WT1: variants seen among roughly 807,000 people sequenced by gnomAD.
WT1 encodes the protein Wilms tumor protein.
WT1 carries 8 observed loss-of-function variants against 60.8 expected under a neutral mutation model. The observed-to-expected ratio is 0.13, with a 90% CI of 0.08 to 0.24. The LOEUF is 0.24. Ranked by LOEUF, WT1 falls within the 10% of genes least tolerant of loss-of-function variation. The pLI is 1.00. For missense variants in WT1, 568 were observed against 711.8 expected (o/e 0.80, Z 2.30); for synonymous variants, 312 against 297.1 (o/e 1.05, Z -0.52).
At chr11:32,403,555 C>A (rs550520581) in intron 5 of WT1, among the ~76,000 whole-genome samples, 13 of 151,002 alleles carry the variant, frequency 8.6e-5, no homozygotes, top group African/African-American at 3.2e-4. Flanking sequence ...TCCTGGAGAA[C>A]CACTGAATGA....
chr11:32,412,104 C>T (rs1274727137), intron 5 of WT1, among the ~76,000 whole-genome samples: 1 of 152,092 alleles, frequency 6.6e-6, no homozygotes, highest in Non-Finnish European at 1.5e-5. Flanking sequence ...GTTCACGAGC[C>T]CGCGAGGGAA....
At chr11:32,425,384 A>G (rs533808201) in intron 3 of WT1, among the ~76,000 whole-genome samples, 22 of 152,312 alleles carry the variant, frequency 1.4e-4, no homozygotes, top group Admixed American at 8.5e-4. Context: ...CTAAAATCCA[A>G]AAGTTAGGGT....
chr11:32,422,596 A>G (rs114067171), intron 3 of WT1, among the ~76,000 whole-genome samples: 186 of 152,332 alleles, frequency 1.2e-3, no homozygotes, highest in African/African-American at 4.3e-3. Context: ...CCCAAGTGGT[A>G]GATCGGCACT....
chr11:32,433,384 G>T (rs942272312), intron 1 of WT1, among the ~76,000 whole-genome samples: 1 of 152,234 alleles, frequency 6.6e-6, no homozygotes, highest in Non-Finnish European at 1.5e-5. Context: ...GGGTGCTCCT[G>T]GTTAGGCTAA....
chr11:32,393,495 G>A (rs1009219763), intron 7 of WT1, among the ~76,000 whole-genome samples: 2 of 152,244 alleles, frequency 1.3e-5, no homozygotes, highest in Non-Finnish European at 2.9e-5. Flanking sequence ...ACCTTCTTAG[G>A]AGAATCCTGA....
chr11:32,424,187 C>T (rs533267178), intron 3 of WT1, among the ~76,000 whole-genome samples: 3 of 139,384 alleles, frequency 2.2e-5, no homozygotes, highest in African/African-American at 8.2e-5. Context: ...AAAAGTGATA[C>T]ATTGCCTATA....
intron 5 of WT1, among the ~76,000 whole-genome samples, chr11:32,405,965 C>T (rs1265643066): frequency 6.6e-6 from 1 of 152,152 alleles, no homozygotes; most frequent in Admixed American, 6.5e-5. Context: ...GAGACTTGAA[C>T]GACTCCCAGC....
rs2132889527 is a variant in WT1 at position 32,387,827 on chromosome 11, AT to A, written c.*1230del. 8.6e-6 allele frequency: 2 copies of A among 233,278 alleles called. No homozygotes were observed. Among genetic ancestry groups the A allele is most frequent in the East Asian group, 1.2e-4 (2 of 16,576 alleles). The allele number at this position is 233,278 out of a possible 1,614,324, so 14.5% of individuals were successfully genotyped here. A position where few individuals can be genotyped will look rare whatever the true frequency, so the allele number is the denominator to read the frequency against. On this transcript the variant is annotated 3_prime_UTR_variant, in exon 10 of 10. Coordinates refer to ENST00000452863, the MANE Select transcript of WT1 (RefSeq NM_024426.6). ...AGCAAAGTGAAAAATGCAGGTTACA[AT>A]TTTAAGTGTTATCATCAATATCTTG...
intron 5 of WT1, among the ~76,000 whole-genome samples, chr11:32,411,865 A>G (rs535134762): frequency 1.2e-3 from 188 of 152,186 alleles, no homozygotes; most frequent in Non-Finnish European, 4.0e-4. Flanking sequence ...GCCAAGTCCA[A>G]TGCAAGGCAA....
chr11:32,434,942 G>A lies in WT1; in HGVS notation c.419C>T (p.Pro140Leu), dbSNP rs1164390603. The A allele has an allele frequency of 8.2e-6, 13 of 1,582,396 alleles. No homozygotes were observed. The highest frequency in any genetic ancestry group is 2.6e-6 in the Non-Finnish European group (3 of 1,167,608). ...CTCCTGTTTGATGAAGGAGTGAGGCGGCGGCGGCGGGGGTGGCGGCGGAGC... is the reference window on the plus strand; with the variant it reads ...CTCCTGTTTGATGAAGGAGTGAGGCAGCGGCGGCGGGGGTGGCGGCGGAGC... Residue 140 changes from proline (P) to leucine (L), a missense_variant, in exon 1 of 10, where the codon CCG becomes CTG. Coordinates refer to ENST00000452863, the MANE Select transcript of WT1 (RefSeq NM_024426.6).
At chr11:32,416,314 T>C (rs1852666268) in intron 5 of WT1, among the ~76,000 whole-genome samples, 176 bp downstream of exon 5, 1 of 151,942 alleles carries the variant, frequency 6.6e-6, no homozygotes, top group Non-Finnish European at 1.5e-5. Flanking sequence ...TCCCTCCATT[T>C]TGTCCCCAGC....
chr11:32,391,924 T>C lies in WT1; in HGVS notation c.1447+48A>G, dbSNP rs745787835. On this transcript the variant is annotated intron_variant, in intron 9 of 9. Coordinates refer to ENST00000452863, the MANE Select transcript of WT1 (RefSeq NM_024426.6). The stretch of plus-strand genomic sequence containing the variant: ...CTCTCATCACAATTTCATTCCACAA[T>C]AGTTTAAAAAAATAATGAAAAATAA... The C allele has an allele frequency of 3.2e-6, 5 of 1,569,418 alleles. No individual in the cohort carries two copies. In the East Asian group the frequency reaches 6.7e-5, roughly 21 times the overall value.
intron 8 of WT1, 147 bp from the exon 9 acceptor site, chr11:32,392,211 TC>T: frequency 1.3e-6 from 1 of 762,424 alleles, no homozygotes; most frequent in Non-Finnish European, 2.3e-6. Flanking sequence ...ATTTCCCCAG[TC>T]CCCCAGGCCC....
At chr11:32,399,865 TCCATC>T in intron 6 of WT1, 78 bp downstream of exon 6, 1 of 1,445,612 alleles carries the variant, frequency 6.9e-7, no homozygotes, top group South Asian at 1.2e-5. Flanking sequence ...GGCCAAAGAG[TCCATC>T]AGTAAGGAAC....
At chr11:32,389,219 G>C (rs1178450570) in intron 9 of WT1, 40 bp from the exon 10 acceptor site, 1 of 1,613,696 alleles carries the variant, frequency 6.2e-7, no homozygotes, top group South Asian at 1.1e-5. Flanking sequence ...TTGCAACAAA[G>C]AGACAGGCAC....
chr11:32,408,498 GA>G (rs1379309207), intron 5 of WT1, among the ~76,000 whole-genome samples: 1 of 107,190 alleles, frequency 9.3e-6, no homozygotes, highest in African/African-American at 3.5e-5. Context: ...CTGGGCAACA[GA>G]AGGAGACTAC....
rs1205117425 is a variant in WT1, at chr11:32,435,115, G to A, written c.246C>T (p.Asn82=). The A allele has an allele frequency of 6.6e-7, 1 of 1,511,248 alleles. No individual in the cohort carries two copies. The highest frequency in any genetic ancestry group is 1.2e-5 in the South Asian group (1 of 81,706). The allele number at this position is 1,511,248 out of a possible 1,614,324, so 93.6% of individuals were successfully genotyped here. A position where few individuals can be genotyped will look rare whatever the true frequency, so the allele number is the denominator to read the frequency against. ...GGGAGGGGACGGCGGGCAGCAGCGC[G>A]TTCAGGTCCCGCACGTCGGAGCCCA... The change falls in exon 1 of 10, where the codon AAC becomes AAT. Residue 82 remains asparagine (N), a synonymous_variant. Transcript: ENST00000452863.
At chr11:32,414,689 A>G (rs1055668230) in intron 5 of WT1, among the ~76,000 whole-genome samples, 5 of 152,124 alleles carry the variant, frequency 3.3e-5, no homozygotes, top group African/African-American at 9.7e-5. Context: ...CCTGGCCAAC[A>G]TGGCGAAAAC....
chr11:32,399,509 A>G (rs930162658), intron 6 of WT1, among the ~76,000 whole-genome samples: 16 of 152,222 alleles, frequency 1.1e-4, no homozygotes, highest in Non-Finnish European at 2.1e-4. Flanking sequence ...TATATAGAAA[A>G]TGTCCAGCCA....
Sources: gnomAD v4.1 joint callset for allele counts (sites outside exome capture counted in the v4.1 genomes callset) on GRCh38, gnomAD v4.1.1 for gene constraint, MANE v1.5 for transcripts, NCBI Gene and HGNC (gene_info 2026-07-23, HGNC 2026-07-21) for gene names.